Variants in AKNAD1 observed in about 807,000 individuals in gnomAD.
The protein encoded by AKNAD1 is AKNA domain containing 1.
A neutral mutation model predicts 90.8 loss-of-function variants in AKNAD1; 67 were observed. The ratio of observed to expected loss-of-function variants is 0.74; its 90% confidence interval spans 0.61 to 0.90. The LOEUF (loss-of-function observed/expected upper bound fraction) is 0.90, where lower values mean the gene tolerates loss of function less well. Among genes scored for constraint, AKNAD1 ranks in the 40% least tolerant of loss-of-function variants. The pLI is 0.00. For missense variants in AKNAD1, 957 were observed against 975.4 expected, an observed-to-expected ratio of 0.98 and a Z score of 0.25; for synonymous variants, 327 against 341.4, an observed-to-expected ratio of 0.96 and a Z score of 0.46.
chr1:108,856,771 G>T (rs1409541533), intron 1 of AKNAD1, among the ~76,000 whole-genome samples, 158 bp downstream of exon 1: 2 of 144,156 alleles, frequency 1.4e-5, no homozygotes, highest in Admixed American at 6.9e-5. Context: ...AAGAAAGAAA[G>T]AAAGGAAAAG....
intron 9 of AKNAD1, among the ~76,000 whole-genome samples, chr1:108,831,628 G>C (rs891490370): frequency 6.6e-6 from 1 of 150,488 alleles, no homozygotes; most frequent in African/African-American, 2.4e-5. Flanking sequence ...TTTATTGGTT[G>C]TATTTCCTAC....
chr1:108,849,330 T>A (rs1379752082), intron 3 of AKNAD1, among the ~76,000 whole-genome samples: 1 of 150,556 alleles, frequency 6.6e-6, no homozygotes, highest in Non-Finnish European at 1.5e-5. Flanking sequence ...AAAAAAAAAA[T>A]TATCTAGGTG....
At chr1:108,853,943 G>GAAA (rs71069607) in intron 1 of AKNAD1, among the ~76,000 whole-genome samples, 1 of 150,252 alleles carries the variant, frequency 6.7e-6, no homozygotes, top group Non-Finnish European at 1.5e-5. Flanking sequence ...CTCAAAAAAA[G>GAAA]AAAAAAAAAG....
chr1:108,854,568 A>C (rs1391505497), intron 1 of AKNAD1, among the ~76,000 whole-genome samples: 1 of 152,260 alleles, frequency 6.6e-6, no homozygotes, highest in East Asian at 1.9e-4. Context: ...CATTGTACAA[A>C]AATCTTAATT....
intron 15 of AKNAD1, chr1:108,816,805 C>T: frequency 2.3e-6 from 1 of 440,514 alleles, no homozygotes. Context: ...AATCCTGTAG[C>T]TGAGGCACCA....
Position 108,816,143 on chromosome 1 carries a change from T to A in AKNAD1, c.*28A>T. On this transcript the variant is annotated 3_prime_UTR_variant, in exon 16 of 16. Coordinates refer to ENST00000370001, the MANE Select transcript of AKNAD1 (RefSeq NM_152763.5). ...TCAAGTTTTCTTTGCATTTTTTTCT[T>A]TTGAATCCTTGGTAGCCTAGCGTTG... 6.5e-7 allele frequency: 1 copy of A among 1,549,368 alleles called. No homozygotes were observed.
At chr1:108,844,439 T>C (rs1336176463) in intron 5 of AKNAD1, among the ~76,000 whole-genome samples, 1 of 151,894 alleles carries the variant, frequency 6.6e-6, no homozygotes, top group African/African-American at 2.4e-5. Context: ...TATATGTATA[T>C]ATAGATATAG....
chr1:108,832,638 T>C (rs1212473975), intron 9 of AKNAD1, among the ~76,000 whole-genome samples: 5 of 152,218 alleles, frequency 3.3e-5, no homozygotes. Flanking sequence ...TTCTCAGTTG[T>C]CTATCTACAT....
At chr1:108,816,386 C>A in intron 15 of AKNAD1, 84 bp from the exon 16 acceptor site, 2 of 1,433,646 alleles carry the variant, frequency 1.4e-6, no homozygotes, top group Non-Finnish European at 1.9e-6. Context: ...TTAAACATTA[C>A]AAGGTGGAAT....
chr1:108,841,992 A>G (rs1664569533), intron 6 of AKNAD1, among the ~76,000 whole-genome samples: 1 of 152,138 alleles, frequency 6.6e-6, no homozygotes, highest in South Asian at 2.1e-4. Flanking sequence ...GTGCACAGAA[A>G]CCTGTCTTTA....
intron 11 of AKNAD1, among the ~76,000 whole-genome samples, chr1:108,826,153 A>G (rs1663990161): frequency 6.6e-6 from 1 of 151,746 alleles, no homozygotes; most frequent in Non-Finnish European, 1.5e-5. Flanking sequence ...CCCTATTATT[A>G]TTTGGAAATG....
intron 6 of AKNAD1, among the ~76,000 whole-genome samples, chr1:108,839,734 G>T: frequency 6.6e-6 from 1 of 152,284 alleles, no homozygotes. Flanking sequence ...AACATGACAA[G>T]AATGCTGTCT....
rs373987767 is a variant in AKNAD1, at chr1:108,817,153, G to A, written c.2274C>T (p.Thr758=). 1.1e-5 allele frequency: 18 copies of A among 1,613,950 alleles called. No homozygotes were observed. In the African/African-American group the frequency reaches 2.0e-4, roughly 18 times the overall value. The change falls in exon 15 of 16, where the codon ACC becomes ACT. Residue 758 remains threonine, a synonymous_variant. Coordinates refer to ENST00000370001, the MANE Select transcript of AKNAD1 (RefSeq NM_152763.5). ...PGKKKLQAFM[T]YSSDPATPSP... Reference sequence around the variant, plus strand: ...AGGGTGTTGCAGGGTCTGAGCTGTAGGTCATGAAAGCCTGAAGTTTTTTTC... The same window carrying A: ...AGGGTGTTGCAGGGTCTGAGCTGTAAGTCATGAAAGCCTGAAGTTTTTTTC...
intron 7 of AKNAD1, chr1:108,836,642 G>A (rs1354127828): frequency 1.3e-5 from 2 of 152,206 alleles, no homozygotes; most frequent in African/African-American, 4.8e-5. Flanking sequence ...TTGTCACTTT[G>A]TCCTTCGCTT....
chr1:108,856,419 T>C (rs749612845), intron 1 of AKNAD1, among the ~76,000 whole-genome samples: 11 of 151,876 alleles, frequency 7.2e-5, no homozygotes, highest in Non-Finnish European at 1.6e-4. Flanking sequence ...AGAAAAAAAG[T>C]CCAGGCACAG....
At chr1:108,834,346 C>A (rs533677675) in intron 9 of AKNAD1, 101 bp downstream of exon 9, 1 of 1,019,982 alleles carries the variant, frequency 9.8e-7, no homozygotes, top group African/African-American at 1.6e-5. Flanking sequence ...GGTAAGTGAT[C>A]TTGATTATGC....
rs748371374 is a variant in AKNAD1 at position 108,851,957 on chromosome 1, C to T, written c.708G>A (p.Gln236=). The change falls in exon 2 of 16, where the codon CAG becomes CAA. Residue 236 remains glutamine, a synonymous_variant. Transcript: ENST00000370001. Reference sequence around the variant, plus strand: ...TGCCTGAATTTGCTTTTTCAGTCTGCTGTTTCTGGGGTGACTGCCCTTGAT... The same window carrying T: ...TGCCTGAATTTGCTTTTTCAGTCTGTTGTTTCTGGGGTGACTGCCCTTGAT... ...KSYQGQSPQK[Q]QTEKANSGNT... 1 of 1,614,202 alleles carries T rather than the reference C, an allele frequency of 6.2e-7. No homozygotes were observed. The highest frequency in any genetic ancestry group is 8.5e-7 in the Non-Finnish European group (1 of 1,180,046).
intron 6 of AKNAD1, among the ~76,000 whole-genome samples, chr1:108,840,628 A>G (rs1049695090): frequency 2.0e-5 from 3 of 152,226 alleles, no homozygotes; most frequent in African/African-American, 7.2e-5. Flanking sequence ...GTTTATGTGG[A>G]TAATGTAGAA....
intron 7 of AKNAD1, among the ~76,000 whole-genome samples, chr1:108,835,920 G>A (rs1436422153): frequency 2.0e-5 from 3 of 152,134 alleles, no homozygotes. Context: ...CACCGCACCT[G>A]GCTTAATTTG....
Sources: allele counts gnomAD v4.1 joint callset (sites outside exome capture counted in the v4.1 genomes callset), GRCh38; gene constraint gnomAD v4.1.1; transcripts MANE v1.5; gene names NCBI Gene and HGNC (gene_info 2026-07-23, HGNC 2026-07-21).